The following UNC5D variants were observed in gnomAD, a reference collection of about 807,000 sequenced individuals.
UNC5D encodes unc-5 netrin receptor D, also known as netrin receptor UNC5D.
In UNC5D, 39 loss-of-function variants were observed where a neutral mutation model predicts 105.4. The observed-to-expected ratio is 0.37, with a 90% CI of 0.29 to 0.48. The LOEUF (loss-of-function observed/expected upper bound fraction) is 0.48, where lower values mean the gene tolerates loss of function less well. UNC5D is among the 20% of genes least tolerant of loss of function. UNC5D has a pLI of 0.98. For missense variants in UNC5D, 991 were observed against 1,202.4 expected (o/e 0.82, Z 2.60); for synonymous variants, 452 against 450.4 (o/e 1.00, Z -0.04).
rs149063351 is a variant in UNC5D, at chr8:35,309,484, A to G, written c.103+73597A>G. 1.8e-3 allele frequency among the ~76,000 whole-genome samples: 271 copies of G among 152,284 alleles called. 4 individuals are homozygous for G. The highest frequency in any genetic ancestry group is 2.8e-4 in the Non-Finnish European group (19 of 68,022). On this transcript the variant is annotated intron_variant, in intron 1 of 16. Transcript: ENST00000404895. ...GGGTCTTTGACTATGTTAACTGGGA[A>G]ATATGTGTCTGGATGTCCTTGGTTA... is the stretch of plus-strand genomic sequence containing the variant.
At chr8:35,450,386 T>C (rs1808065242) in intron 1 of UNC5D, among the ~76,000 whole-genome samples, 1 of 152,202 alleles carries the variant, frequency 6.6e-6, no homozygotes, top group Admixed American at 6.5e-5. Context: ...GGTTTTCTAT[T>C]CTGGGCACCC....
chr8:35,607,931 G>A lies in UNC5D; in HGVS notation c.570+12274G>A, dbSNP rs370598756. Among the ~76,000 whole-genome samples the A allele has an allele frequency of 2.6e-4, 39 of 152,138 alleles. 1 individual carries two copies. Among genetic ancestry groups the A allele is most frequent in the African/African-American group, 8.4e-4 (35 of 41,514 alleles). ...ACGTCACTCAGTCTCTTCCTCCACC[G>A]ATTGCAGCTTCACATGGTGTTCTCC... On this transcript the variant is annotated intron_variant, in intron 4 of 16. Transcript: ENST00000404895.
At chr8:35,570,967 GAA>G (rs1817680866) in intron 3 of UNC5D, among the ~76,000 whole-genome samples, 1 of 151,698 alleles carries the variant, frequency 6.6e-6, no homozygotes, top group South Asian at 2.1e-4. Context: ...AAGAAAGAAA[GAA>G]AGAGAGAGAG....
intron 1 of UNC5D, among the ~76,000 whole-genome samples, chr8:35,419,202 C>A (rs894688095): frequency 1.3e-5 from 2 of 152,156 alleles, no homozygotes; most frequent in Admixed American, 6.5e-5. Context: ...TGTGGGGAAT[C>A]TTTTGAATCT....
intron 1 of UNC5D, among the ~76,000 whole-genome samples, chr8:35,451,437 T>C (rs542240292): frequency 6.6e-6 from 1 of 152,220 alleles, no homozygotes; most frequent in South Asian, 2.1e-4. Context: ...GCTCTTTATA[T>C]ATATTAAGAC....
At chr8:35,275,019 A>T (rs993513325) in intron 1 of UNC5D, among the ~76,000 whole-genome samples, 1 of 151,800 alleles carries the variant, frequency 6.6e-6, no homozygotes, top group African/African-American at 2.4e-5. Context: ...TGAACCTGGG[A>T]GGTGGAGGTT....
chr8:35,485,641 C>A (rs537082686), intron 1 of UNC5D, among the ~76,000 whole-genome samples: 1 of 152,224 alleles, frequency 6.6e-6, no homozygotes, highest in South Asian at 2.1e-4. Flanking sequence ...GTAGCACAAG[C>A]AGTGTGAGGC....
intron 8 of UNC5D, among the ~76,000 whole-genome samples, chr8:35,711,177 T>TGTTTC: frequency 6.6e-6 from 1 of 151,404 alleles, no homozygotes; most frequent in South Asian, 2.1e-4. Context: ...GTTTTTGTTT[T>TGTTTC]GTTTTGTTTT....
chr8:35,562,306 C>A (rs7834535), intron 2 of UNC5D, among the ~76,000 whole-genome samples: 34,525 of 152,000 alleles, frequency 0.23, 6,066 homozygotes, highest in African/African-American at 0.48. Flanking sequence ...TCGCAGATAT[C>A]TCTTTGATAT....
intron 1 of UNC5D, among the ~76,000 whole-genome samples, chr8:35,330,698 C>G (rs1476012844): frequency 6.6e-6 from 1 of 152,110 alleles, no homozygotes; most frequent in Admixed American, 6.5e-5. Context: ...ATGATATGAA[C>G]GAGCCTGACT....
chr8:35,588,903 C>T (rs1201457507), intron 3 of UNC5D, among the ~76,000 whole-genome samples: 5 of 152,052 alleles, frequency 3.3e-5, no homozygotes, highest in African/African-American at 9.7e-5. Context: ...TTTAGCCAGA[C>T]GTGGTGGCAC....
chr8:35,756,495 G>C (rs1586595173), intron 13 of UNC5D, among the ~76,000 whole-genome samples: 1 of 149,496 alleles, frequency 6.7e-6, no homozygotes, highest in African/African-American at 2.5e-5. Context: ...TCCTGCACCA[G>C]TGAAAAATCA....
chr8:35,512,342 T>G (rs1812765603), intron 1 of UNC5D, among the ~76,000 whole-genome samples: 2 of 150,510 alleles, frequency 1.3e-5, no homozygotes, highest in Non-Finnish European at 3.0e-5. Context: ...AGCAACATGG[T>G]GAGACCCTGT....
At chr8:35,608,751 A>G (rs999820863) in intron 4 of UNC5D, among the ~76,000 whole-genome samples, 5 of 152,218 alleles carry the variant, frequency 3.3e-5, no homozygotes, top group African/African-American at 1.2e-4. Context: ...TTCAAAAGAC[A>G]TGATTTCAAT....
chr8:35,288,268 A>T (rs930822810), intron 1 of UNC5D, among the ~76,000 whole-genome samples: 1 of 152,176 alleles, frequency 6.6e-6, no homozygotes, highest in African/African-American at 2.4e-5. Flanking sequence ...CTCAACAGAA[A>T]TCCCACAGGC....
intron 1 of UNC5D, among the ~76,000 whole-genome samples, chr8:35,477,453 T>G (rs1036749670): frequency 7.9e-5 from 12 of 152,128 alleles, no homozygotes; most frequent in African/African-American, 2.9e-4. Flanking sequence ...CTGGTTTCTT[T>G]TTTCACAGAA....
chr8:35,380,129 G>A (rs1442771153), intron 1 of UNC5D, among the ~76,000 whole-genome samples: 2 of 130,072 alleles, frequency 1.5e-5, no homozygotes, highest in East Asian at 2.2e-4. Context: ...GAGAGACACC[G>A]AGAGAGAGAG....
chr8:35,383,570 G>A (rs921195081), intron 1 of UNC5D, among the ~76,000 whole-genome samples: 14 of 152,202 alleles, frequency 9.2e-5, no homozygotes, highest in African/African-American at 3.1e-4. Context: ...GAGCCTCTAA[G>A]GTAGGCAAGA....
At chr8:35,490,163 G>A (rs193131047) in intron 1 of UNC5D, among the ~76,000 whole-genome samples, 1 of 151,954 alleles carries the variant, frequency 6.6e-6, no homozygotes, top group Non-Finnish European at 1.5e-5. Context: ...CTCTCTTTTG[G>A]TAATCACCAA....
Sources: allele counts gnomAD v4.1 joint callset (sites outside exome capture counted in the v4.1 genomes callset), GRCh38; gene constraint gnomAD v4.1.1; transcripts MANE v1.5; gene names NCBI Gene and HGNC (gene_info 2026-07-23, HGNC 2026-07-21).